Variants in PCDHGA4 observed in about 807,000 individuals in gnomAD.
PCDHGA4 encodes protocadherin gamma subfamily A, 4.
In PCDHGA4, 38 loss-of-function variants were observed where a neutral mutation model predicts 54.6. The ratio of observed to expected loss-of-function variants is 0.70; its 90% CI spans 0.54 to 0.91. The LOEUF (loss-of-function observed/expected upper bound fraction) is 0.91. Ranked by LOEUF, PCDHGA4 falls within the 40% of genes least tolerant of loss-of-function variation. PCDHGA4 has a pLI of 0.00. For synonymous variants in PCDHGA4, 511 were observed against 512.9 expected, an observed-to-expected ratio of 1.00 and a Z score of 0.05; for missense variants, 1,298 against 1,220.9, an observed-to-expected ratio of 1.06 and a Z score of -0.94.
chr5:141,461,269 TTC>T (rs1316205976), intron 1 of PCDHGA4, among the ~76,000 whole-genome samples: 4 of 152,186 alleles, frequency 2.6e-5, no homozygotes, highest in Admixed American at 2.0e-4. Flanking sequence ...TGTGTAAGTG[TTC>T]TCTTTTCCCC....
chr5:141,413,398 A>G lies in PCDHGA4; in HGVS notation c.2514+55777A>G, dbSNP rs780416951. The G allele has an allele frequency of 1.9e-5, 30 of 1,613,944 alleles. No homozygotes were observed. Among genetic ancestry groups the G allele is most frequent in the African/African-American group, 4.0e-5 (3 of 74,960 alleles). Reference sequence around the variant, plus strand: ...CGGAGTCCGCATAGTCTCCAGAGGTAGGACGCAGCTTTTCTCTCTGAACCC... The same window carrying G: ...CGGAGTCCGCATAGTCTCCAGAGGTGGGACGCAGCTTTTCTCTCTGAACCC... On this transcript the variant is annotated intron_variant, in intron 1 of 3. Transcript: ENST00000571252.
rs1588518468 is a variant in PCDHGA4, at chr5:141,356,517, A to C, written c.1410A>C (p.Ser470=). ...CACTGTCTACAGAAACTCATATTTC[A>C]CTGCAAGTGATGGACATCAATGACA... ...TPPLSTETHI[S]LQVMDINDNP... The change falls in exon 1 of 4, where the codon TCA becomes TCC. Residue 470 remains serine, a synonymous_variant. Transcript: ENST00000571252. 2 of 1,614,054 alleles carry C rather than the reference A, an allele frequency of 1.2e-6. No individual in the cohort carries two copies.
chr5:141,419,206 G>T, intron 1 of PCDHGA4: 1 of 1,613,876 alleles, frequency 6.2e-7, no homozygotes, highest in Non-Finnish European at 8.5e-7. Flanking sequence ...ATGACAACGC[G>T]CCGGTTTTCG....
At position 141,421,139 on chromosome 5, in the gene PCDHGA4, A is replaced by T. The variant is rs2096548615; in HGVS notation, c.2514+63518A>T. Reference sequence around the variant, plus strand: ...TCCTTCGCTTTCTGATATATTTTGGATGTAGTCGGCCTAGGACTTCATAGA... The same window carrying T: ...TCCTTCGCTTTCTGATATATTTTGGTTGTAGTCGGCCTAGGACTTCATAGA... On this transcript the variant is annotated intron_variant, in intron 1 of 3. Transcript: ENST00000571252. 5 of 913,574 alleles carry T rather than the reference A, an allele frequency of 5.5e-6. No individual in the cohort carries two copies. The South Asian group carries it at 8.8e-5, about 16-fold the overall frequency. 56.6% of individuals were successfully genotyped at this position (913,574 alleles called of 1,614,324 possible). A position where few individuals can be genotyped will look rare whatever the true frequency, so the allele number is the denominator to read the frequency against.
chr5:141,419,465 G>T, intron 1 of PCDHGA4: 2 of 1,612,542 alleles, frequency 1.2e-6, no homozygotes, highest in Non-Finnish European at 1.7e-6. Context: ...GCAGGCCCGC[G>T]ACCAGGGCTC....
Position 141,487,193 on chromosome 5 carries a change from C to T in PCDHGA4, c.2515-7614C>T. 6.2e-7 allele frequency: 1 copy of T among 1,613,784 alleles called. No individual in the cohort carries two copies. Among genetic ancestry groups the T allele is most frequent in the Non-Finnish European group, 8.5e-7 (1 of 1,179,724 alleles). On this transcript the variant is annotated intron_variant, in intron 1 of 3. Transcript: ENST00000571252. The surrounding 1 kb of genome is among the most constrained non-coding windows in gnomAD (Gnocchi z 5.0). ...AGAGGAAGACACTCATCCAGTTGTC[C>T]CAGATCTTCGAGAATCTTCAGCTCC...
chr5:141,372,310 G>A (rs1768642217), intron 1 of PCDHGA4: 4 of 1,613,452 alleles, frequency 2.5e-6, no homozygotes, highest in Non-Finnish European at 2.5e-6. Context: ...GAGGCCGCCC[G>A]CCAGCGCCTG....
chr5:141,459,025 A>C (rs2098959135), intron 1 of PCDHGA4, among the ~76,000 whole-genome samples: 1 of 152,336 alleles, frequency 6.6e-6, no homozygotes, highest in Non-Finnish European at 1.5e-5. Flanking sequence ...GAGCCACCAC[A>C]TCCAGCCTTA....
At chr5:141,429,196 A>ACACACT in intron 1 of PCDHGA4, 1 of 151,994 alleles carries the variant, frequency 6.6e-6, no homozygotes, top group Non-Finnish European at 1.5e-5. Context: ...ACACACACAC[A>ACACACT]CACACACACG....
rs1446853595 is a variant in PCDHGA4, at chr5:141,491,363, C to T, written c.2515-3444C>T. ...ACCGTCAGTCTCTTATCCCTAGTCA[C>T]CTTCACCTTTCTGTCAGCGAAGTGC... On this transcript the variant is annotated intron_variant, in intron 1 of 3. Coordinates refer to ENST00000571252, the MANE Select transcript of PCDHGA4 (RefSeq NM_018917.4). This position sits in a 1 kb window ranked among gnomAD's most constrained non-coding sequence, Gnocchi z 6.9. The T allele has an allele frequency of 6.2e-7, 1 of 1,614,182 alleles. No individual in the cohort carries two copies. Among genetic ancestry groups the T allele is most frequent in the South Asian group, 1.1e-5 (1 of 91,082 alleles).
At chr5:141,366,517 C>A (rs1764609891) in intron 1 of PCDHGA4, 1 of 1,614,130 alleles carries the variant, frequency 6.2e-7, no homozygotes, top group Admixed American at 1.7e-5. Flanking sequence ...AGGCTGAAGG[C>A]AGCAGGTTGG....
chr5:141,451,914 A>G (rs1387569597), intron 1 of PCDHGA4, among the ~76,000 whole-genome samples: 3 of 152,022 alleles, frequency 2.0e-5, no homozygotes, highest in East Asian at 1.9e-4. Context: ...GGGAGGGAGG[A>G]AGGAAGGGAG....
chr5:141,494,639 C>T, intron 1 of PCDHGA4, 168 bp from the exon 2 acceptor site: 1 of 901,070 alleles, frequency 1.1e-6, no homozygotes, highest in Non-Finnish European at 1.3e-6. Flanking sequence ...ACCTCTGAGA[C>T]CTGAGGTGTA....
At chr5:141,410,370 C>T (rs780808768) in intron 1 of PCDHGA4, 2 of 1,614,060 alleles carry the variant, frequency 1.2e-6, no homozygotes, top group South Asian at 2.2e-5. Flanking sequence ...AGCCCTGCTA[C>T]TTGGGACTGC....
rs200757040 is a variant in PCDHGA4, at chr5:141,431,080, C to T, written c.2515-63727C>T. 3 of 1,614,044 alleles carry T rather than the reference C, an allele frequency of 1.9e-6. No homozygotes were observed. The highest frequency in any genetic ancestry group is 2.5e-6 in the Non-Finnish European group (3 of 1,180,010). ...CCATCAAGTGTCAATTAAATCTAGA[C>T]ATTCTGATGGAGGATAAAGTGAAAA... On this transcript the variant is annotated intron_variant, in intron 1 of 3. Coordinates refer to ENST00000571252, the MANE Select transcript of PCDHGA4 (RefSeq NM_018917.4). This position sits in a 1 kb window ranked among gnomAD's most constrained non-coding sequence, Gnocchi z 4.8.
At chr5:141,395,174 AAATGATT>A in intron 1 of PCDHGA4, 1 of 1,614,220 alleles carries the variant, frequency 6.2e-7, no homozygotes, top group Non-Finnish European at 8.5e-7. Flanking sequence ...GCTGTGAGAA[AAATGATT>A]CTTTGTTAAC....
At chr5:141,449,137 A>C (rs1257120647) in intron 1 of PCDHGA4, among the ~76,000 whole-genome samples, 1 of 152,176 alleles carries the variant, frequency 6.6e-6, no homozygotes, top group Non-Finnish European at 1.5e-5. Context: ...AATGGAATTG[A>C]AATTGCTGGG....
chr5:141,382,519 T>G lies in PCDHGA4; in HGVS notation c.2514+24898T>G, dbSNP rs147736839. On this transcript the variant is annotated intron_variant, in intron 1 of 3. Transcript: ENST00000571252. ...CATGAACACTGTTGCATTAATTCAG[T>G]GTCTTAAAATGGATTTTTAATTATC... 7.0e-4 allele frequency among the ~76,000 whole-genome samples: 107 copies of G among 152,314 alleles called. No homozygotes were observed. In the Middle Eastern group the frequency reaches 0.01, roughly 15 times the overall value.
chr5:141,360,216 G>A (rs1471973434), intron 1 of PCDHGA4: 4 of 1,613,422 alleles, frequency 2.5e-6, no homozygotes, highest in Non-Finnish European at 3.4e-6. Flanking sequence ...TGTTCCCCGG[G>A]GCTCTCCCAG....
Sources: gnomAD v4.1 joint callset for allele counts (sites outside exome capture counted in the v4.1 genomes callset) on GRCh38, gnomAD v4.1.1 for gene constraint, Gnocchi (gnomAD v3.1) non-coding constraint, MANE v1.5 for transcripts, NCBI Gene and HGNC (gene_info 2026-07-23, HGNC 2026-07-21) for gene names.